PSG11: variants seen among roughly 807,000 people sequenced by gnomAD.
PSG11 encodes pregnancy specific beta-1-glycoprotein 11.
PSG11 carries 42 observed loss-of-function variants against 36.0 expected under a neutral mutation model. The ratio of observed to expected loss-of-function variants is 1.17; its 90% confidence interval spans 0.91 to 1.51. The LOEUF is 1.51. Ranked by LOEUF, PSG11 falls within the 40% of genes most tolerant of loss-of-function variation. PSG11 has a pLI of 0.00. For synonymous variants in PSG11, 206 were observed against 153.5 expected, an observed-to-expected ratio of 1.34 and a Z score of -2.53; for missense variants, 558 against 403.5, an observed-to-expected ratio of 1.38 and a Z score of -3.28.
chr19:43,018,536 C>T (rs770933978), intron 3 of PSG11: 1 of 977,990 alleles, frequency 1.0e-6, no homozygotes, highest in Non-Finnish European at 1.5e-6. Context: ...ACCTGTTTCT[C>T]CCATCACAAT....
intron 1 of PSG11, 168 bp from the exon 2 acceptor site, chr19:43,025,224 GTGTA>G (rs1967213232): frequency 8.4e-7 from 1 of 1,189,008 alleles, no homozygotes; most frequent in Non-Finnish European, 1.2e-6. Flanking sequence ...ATGTGTGTTT[GTGTA>G]TGTGTATGTG....
chr19:43,014,515 G>A, intron 4 of PSG11: 1 of 979,132 alleles, frequency 1.0e-6, no homozygotes, highest in Non-Finnish European at 1.2e-6. Flanking sequence ...GGGAGGCTTG[G>A]CTTGAACTGG....
At chr19:43,025,104 G>T (rs752375796) in intron 1 of PSG11, 48 bp from the exon 2 acceptor site, 21 of 1,573,844 alleles carry the variant, frequency 1.3e-5, no homozygotes, top group South Asian at 1.2e-4. Flanking sequence ...TATGTATTGG[G>T]GTGAAAAGAT....
chr19:43,026,331 T>C lies in PSG11; in HGVS notation c.42A>G (p.Lys14=), dbSNP rs535315963. The C allele has an allele frequency of 6.2e-7, 1 of 1,610,278 alleles. No homozygotes were observed. The highest frequency in any genetic ancestry group is 1.7e-5 in the Admixed American group (1 of 59,798). The change falls in exon 1 of 6, where the codon AAA becomes AAG. Residue 14 remains lysine (K), a synonymous_variant. Transcript: ENST00000320078. ...CACCTGTGAGCAGGAGCCCCTTCCA[T>C]TTGATGTGCTCTGTGCAGGGAGGGG... ...LSAPPCTEHI[K]WKGLLLTALL... is the part of the protein sequence containing the mutation.
In PSG11 at chr19:43,009,869, G is replaced by T. The variant is rs749801063; in HGVS notation, c.*40+89C>A. ...TTAGTGGATGAAGGAGGAGATCCAG[G>T]CCCAGATACAGGCAAATAAGTCATT... On this transcript the variant is annotated intron_variant, in intron 5 of 5. Transcript: ENST00000320078. The T allele has an allele frequency of 2.2e-4, 230 of 1,029,316 alleles. 2 individuals carry two copies. The highest frequency in any genetic ancestry group is 6.2e-4 in the Middle Eastern group (3 of 4,802). The allele number at this position is 1,029,316 out of a possible 1,614,324, so 63.8% of individuals were successfully genotyped here.
In PSG11 at chr19:43,024,485, G is replaced by T. The variant is rs572286364; in HGVS notation, c.430+206C>A. ...AGACTGTCCTTCCTCTGCAGCGAGT[G>T]TCTGCAGGGTCTGGATGCGGGAAAG... On this transcript the variant is annotated intron_variant, in intron 2 of 5. Transcript: ENST00000320078. 127 of 782,450 alleles carry T rather than the reference G, an allele frequency of 1.6e-4. 3 individuals carry two copies. The African/African-American group carries it at 1.9e-3, about 12-fold the overall frequency. The allele number at this position is 782,450 out of a possible 1,614,324, so 48.5% of individuals were successfully genotyped here. A position where few individuals can be genotyped will look rare whatever the true frequency, so the allele number is the denominator to read the frequency against.
At chr19:43,018,119 G>C (rs1305006453) in intron 3 of PSG11, among the ~76,000 whole-genome samples, 1 of 151,240 alleles carries the variant, frequency 6.6e-6, no homozygotes, top group Non-Finnish European at 1.5e-5. Context: ...ACTTACCAGG[G>C]ACTATGATCC....
rs773070367 is a variant in PSG11, at chr19:43,009,997, G to C, written c.*1C>G. The C allele has an allele frequency of 1.2e-5, 19 of 1,607,372 alleles. No individual in the cohort carries two copies. The highest frequency in any genetic ancestry group is 1.6e-5 in the Non-Finnish European group (19 of 1,175,040). ...GAAATACAAAAATGACATCACGGCTGCTACGTTGGATTATTGAAAGCAAAA... is the reference window on the plus strand; with the variant it reads ...GAAATACAAAAATGACATCACGGCTCCTACGTTGGATTATTGAAAGCAAAA... On this transcript the variant is annotated 3_prime_UTR_variant, in exon 5 of 6. Coordinates refer to ENST00000320078, the MANE Select transcript of PSG11 (RefSeq NM_002785.3).
In PSG11 at chr19:43,009,270, G is replaced by C. The variant is rs899912152; in HGVS notation, c.*40+688C>G. ...AAAGTCTTTGTTCTCCACGAGGTCA[G>C]ATGTTGCTTGTGATGAAGGGTGTGG... is the stretch of plus-strand genomic sequence containing the variant. On this transcript the variant is annotated intron_variant, in intron 5 of 5. Coordinates refer to ENST00000320078, the MANE Select transcript of PSG11 (RefSeq NM_002785.3). Among the ~76,000 whole-genome samples, 74 of 151,136 alleles carry C rather than the reference G, an allele frequency of 4.9e-4. 2 individuals carry two copies. Among genetic ancestry groups the C allele is most frequent in the Admixed American group, 1.7e-3 (25 of 15,120 alleles).
chr19:43,013,714 T>C (rs1256144095), intron 4 of PSG11, among the ~76,000 whole-genome samples: 1 of 151,450 alleles, frequency 6.6e-6, no homozygotes, highest in Non-Finnish European at 1.5e-5. Context: ...ATTGGTGTGC[T>C]GTTTCTCAAA....
chr19:43,025,910 T>A (rs1034191442), intron 1 of PSG11, among the ~76,000 whole-genome samples: 2 of 142,276 alleles, frequency 1.4e-5, no homozygotes, highest in Non-Finnish European at 3.0e-5. Context: ...AACAGGGCCT[T>A]CTTTCCTTTT....
rs924596193 is a variant in PSG11 at position 43,024,085 on chromosome 19, C to G, written c.430+606G>C. ...TGACCTACAAAGCTTGTCTTTCTGT[C>G]CTCTCCACTCTGAGTGTCAGGTGAA... On this transcript the variant is annotated intron_variant, in intron 2 of 5. Coordinates refer to ENST00000320078, the MANE Select transcript of PSG11 (RefSeq NM_002785.3). 1.3e-4 allele frequency among the ~76,000 whole-genome samples: 19 copies of G among 151,422 alleles called. 1 individual carries two copies. Among genetic ancestry groups the G allele is most frequent in the African/African-American group, 3.7e-4 (15 of 41,024 alleles).
At chr19:43,016,121 G>C in intron 3 of PSG11, 1 of 1,535,052 alleles carries the variant, frequency 6.5e-7, no homozygotes, top group East Asian at 2.3e-5. Flanking sequence ...AATCAGAGTT[G>C]GCATCTCCCA....
chr19:43,023,564 T>A (rs908017868), intron 2 of PSG11, among the ~76,000 whole-genome samples: 9 of 151,306 alleles, frequency 5.9e-5, no homozygotes, highest in Admixed American at 6.6e-5. Context: ...ACTAATCAGC[T>A]GACCATTTGC....
chr19:43,012,007 C>G (rs1262724037), intron 4 of PSG11, among the ~76,000 whole-genome samples: 2 of 150,664 alleles, frequency 1.3e-5, no homozygotes. Context: ...ATTGGATAAC[C>G]TAGATGAAAT....
chr19:43,020,588 G>T (rs924858997), intron 2 of PSG11, among the ~76,000 whole-genome samples: 4 of 151,426 alleles, frequency 2.6e-5, no homozygotes, highest in Non-Finnish European at 4.4e-5. Context: ...GCTGGTAGTA[G>T]TATTTCTCTT....
chr19:43,018,580 C>T lies in PSG11; in HGVS notation c.709+190G>A, dbSNP rs1244868373. 3.0e-6 allele frequency: 4 copies of T among 1,353,544 alleles called. No individual in the cohort carries two copies. The South Asian group carries it at 4.0e-5, about 14-fold the overall frequency. 83.8% of individuals were successfully genotyped at this position (1,353,544 alleles called of 1,614,324 possible). ...CCTGAGCCTCCCATGACAGGAGCAG[C>T]CTCTTTTCTCCCACTGTGGATCAAG... is the stretch of plus-strand genomic sequence containing the variant. On this transcript the variant is annotated intron_variant, in intron 3 of 5. Coordinates refer to ENST00000320078, the MANE Select transcript of PSG11 (RefSeq NM_002785.3).
chr19:43,008,088 T>C (rs1339265427), intron 5 of PSG11, 46 bp from the exon 6 acceptor site: 1 of 340,802 alleles, frequency 2.9e-6, no homozygotes, highest in Non-Finnish European at 5.6e-6. Flanking sequence ...TTAAATACTT[T>C]GAGGAAGAAT....
rs565688027 is a variant in PSG11, at chr19:43,008,517, C to A, written c.*41-475G>T. Reference sequence around the variant, plus strand: ...GGTCTGGATCTCCTGACCTTATGATCCACCCACCTCAGTCTCCCAAAGTGC... The same window carrying A: ...GGTCTGGATCTCCTGACCTTATGATACACCCACCTCAGTCTCCCAAAGTGC... On this transcript the variant is annotated intron_variant, in intron 5 of 5. Coordinates refer to ENST00000320078, the MANE Select transcript of PSG11 (RefSeq NM_002785.3). Among the ~76,000 whole-genome samples, 160 of 151,298 alleles carry A rather than the reference C, an allele frequency of 1.1e-3. 6 individuals are homozygous for A. Among genetic ancestry groups the A allele is most frequent in the African/African-American group, 3.8e-3 (156 of 41,092 alleles).
Sources: allele counts gnomAD v4.1 joint callset (sites outside exome capture counted in the v4.1 genomes callset), GRCh38; gene constraint gnomAD v4.1.1; transcripts MANE v1.5; gene names NCBI Gene and HGNC (gene_info 2026-07-23, HGNC 2026-07-21).